The following SEC24D variants were observed in gnomAD, a reference collection of about 807,000 sequenced individuals.
SEC24D encodes protein transport protein Sec24D.
Under a neutral mutation model 116.9 loss-of-function variants are expected in SEC24D, and 69 were observed. The observed-to-expected ratio is 0.59, with a 90% CI of 0.49 to 0.72. SEC24D has a LOEUF of 0.72. Among genes scored for constraint, SEC24D ranks in the 30% least tolerant of loss-of-function variants. The probability of loss-of-function intolerance (pLI) is 0.00; values close to 1 mark genes in which losing one functional copy is unlikely to be tolerated. For missense variants in SEC24D, 1,131 were observed against 1,264.1 expected (o/e 0.89, Z 1.60); for synonymous variants, 405 against 442.8 (o/e 0.91, Z 1.07).
intron 5 of SEC24D, 56 bp from the exon 6 acceptor site, chr4:118,815,211 A>T: frequency 3.1e-6 from 5 of 1,598,866 alleles, no homozygotes; most frequent in Non-Finnish European, 4.3e-6. Flanking sequence ...AGCATGTAAG[A>T]CTTGTTGACG....
At chr4:118,765,593 G>T (rs1032286182) in intron 9 of SEC24D, among the ~76,000 whole-genome samples, 1 of 152,142 alleles carries the variant, frequency 6.6e-6, no homozygotes, top group South Asian at 2.1e-4. Context: ...CTGTAAAAAC[G>T]AACTCCTGTT....
intron 10 of SEC24D, chr4:118,758,706 T>G (rs936809236): frequency 2.0e-5 from 3 of 152,204 alleles, no homozygotes; most frequent in African/African-American, 7.2e-5. Context: ...AAAATTGTAT[T>G]TTAATTATTT....
At chr4:118,783,042 C>T (rs1728493125) in intron 8 of SEC24D, among the ~76,000 whole-genome samples, 1 of 152,234 alleles carries the variant, frequency 6.6e-6, no homozygotes, top group South Asian at 2.1e-4. Flanking sequence ...GGGAAATCCC[C>T]TGACCCCTTG....
intron 10 of SEC24D, among the ~76,000 whole-genome samples, chr4:118,762,463 A>C (rs1727433092): frequency 1.3e-5 from 2 of 152,320 alleles, no homozygotes; most frequent in South Asian, 2.1e-4. Context: ...ATACATAGAA[A>C]GAATTTAGCC....
intron 7 of SEC24D, among the ~76,000 whole-genome samples, chr4:118,800,440 A>G (rs1729383641): frequency 6.6e-6 from 1 of 152,312 alleles, no homozygotes; most frequent in Middle Eastern, 3.4e-3. Context: ...CCAAGCTACT[A>G]GTGCCAGATT....
intron 13 of SEC24D, among the ~76,000 whole-genome samples, chr4:118,751,176 C>CTTT (rs1185148886): frequency 9.0e-5 from 9 of 100,322 alleles, no homozygotes; most frequent in Non-Finnish European, 1.4e-4. Context: ...AGAGTGAGGG[C>CTTT]TTTTTTTTTT....
chr4:118,805,651 C>T (rs1339544213), intron 7 of SEC24D, among the ~76,000 whole-genome samples, 192 bp downstream of exon 7: 1 of 152,192 alleles, frequency 6.6e-6, no homozygotes, highest in Non-Finnish European at 1.5e-5. Context: ...ACTCTCCAGA[C>T]TTCCATACGC....
chr4:118,739,043 T>G, intron 18 of SEC24D, 106 bp downstream of exon 18: 1 of 1,022,354 alleles, frequency 9.8e-7, no homozygotes, highest in Non-Finnish European at 1.5e-6. Context: ...AGTTCTGAAT[T>G]TACCCACCAT....
chr4:118,780,837 A>G (rs1728364584), intron 8 of SEC24D, among the ~76,000 whole-genome samples: 1 of 150,970 alleles, frequency 6.6e-6, no homozygotes, highest in Admixed American at 6.6e-5. Flanking sequence ...CCATTATGCA[A>G]TGGCCTTGTC....
chr4:118,779,676 T>A (rs746257946), intron 8 of SEC24D, among the ~76,000 whole-genome samples: 1 of 152,258 alleles, frequency 6.6e-6, no homozygotes, highest in Non-Finnish European at 1.5e-5. Context: ...TCAGAAGGAA[T>A]GGTACCAGCT....
In SEC24D at chr4:118,810,137, T is replaced by TGTGTGTGTGTGTGTGTGTGG. The variant is rs56961502; in HGVS notation, c.802-4184_802-4183insCCACACACACACACACACAC. The stretch of plus-strand genomic sequence containing the variant: ...GTGTGTGTGTGTGTGTGTGTGTGTG[T>TGTGTGTGTGTGTGTGTGTGG]CAGAGGGTATAGGGGAGCCAGGGGT... On this transcript the variant is annotated intron_variant, in intron 6 of 22. Coordinates refer to ENST00000280551, the MANE Select transcript of SEC24D (RefSeq NM_014822.4). Among the ~76,000 whole-genome samples, 240 of 104,386 alleles carry TGTGTGTGTGTGTGTGTGTGG rather than the reference T, an allele frequency of 2.3e-3. 21 individuals carry two copies. The highest frequency in any genetic ancestry group is 4.3e-3 in the South Asian group (14 of 3,260). 68.5% of individuals were successfully genotyped at this position (104,386 alleles called of 152,430 possible).
intron 6 of SEC24D, among the ~76,000 whole-genome samples, chr4:118,807,363 A>G (rs1011906165): frequency 6.6e-6 from 1 of 152,200 alleles, no homozygotes; most frequent in Non-Finnish European, 1.5e-5. Flanking sequence ...TAGGGGTGAA[A>G]ATTATGAGCA....
chr4:118,803,356 GCT>G (rs1260719902), intron 7 of SEC24D, among the ~76,000 whole-genome samples: 1 of 152,092 alleles, frequency 6.6e-6, no homozygotes, highest in African/African-American at 2.4e-5. Flanking sequence ...CATGTATTAT[GCT>G]CTCTCCCACT....
intron 7 of SEC24D, among the ~76,000 whole-genome samples, chr4:118,803,916 T>A: frequency 6.6e-6 from 1 of 151,826 alleles, no homozygotes; most frequent in South Asian, 2.1e-4. Context: ...ATAATAATAA[T>A]GTTAATTTGT....
At chr4:118,727,456 CA>C (rs762692768) in intron 22 of SEC24D, among the ~76,000 whole-genome samples, 61 of 152,084 alleles carry the variant, frequency 4.0e-4, no homozygotes, top group Admixed American at 2.6e-4. Context: ...CTACTGAGCA[CA>C]AGGATGATCT....
chr4:118,756,912 G>A (rs980779555), intron 11 of SEC24D, among the ~76,000 whole-genome samples: 16 of 151,994 alleles, frequency 1.1e-4, no homozygotes, highest in African/African-American at 2.9e-4. Context: ...TCCAAATACC[G>A]CTCTTAAAAG....
At chr4:118,818,105 C>T (rs771849590) in intron 3 of SEC24D, among the ~76,000 whole-genome samples, 4 of 152,008 alleles carry the variant, frequency 2.6e-5, no homozygotes, top group Admixed American at 6.6e-5. Context: ...ACTTATTAGA[C>T]GTTTATTTTT....
chr4:118,833,089 C>T (rs1296266085), intron 2 of SEC24D, among the ~76,000 whole-genome samples: 1 of 152,178 alleles, frequency 6.6e-6, no homozygotes, highest in Non-Finnish European at 1.5e-5. Context: ...CTACCTAGCA[C>T]AGCCTGGATC....
intron 10 of SEC24D, among the ~76,000 whole-genome samples, chr4:118,763,924 T>C (rs545094517): frequency 9.9e-4 from 151 of 152,240 alleles, no homozygotes; most frequent in African/African-American, 3.5e-3. Flanking sequence ...TAGTAAATAA[T>C]TACCATGATA....
Sources: allele counts gnomAD v4.1 joint callset (sites outside exome capture counted in the v4.1 genomes callset), GRCh38; gene constraint gnomAD v4.1.1; transcripts MANE v1.5; gene names NCBI Gene and HGNC (gene_info 2026-07-23, HGNC 2026-07-21).